RNF144A: variants seen among roughly 807,000 people sequenced by gnomAD.
RNF144A encodes the protein E3 ubiquitin-protein ligase RNF144A.
In RNF144A, 11 loss-of-function variants were observed where a neutral mutation model predicts 38.7. The observed-to-expected ratio is 0.28, with a 90% CI of 0.18 to 0.47. RNF144A has a LOEUF of 0.47. RNF144A is among the 20% of genes least tolerant of loss of function. The probability of loss-of-function intolerance (pLI) is 0.99; values close to 1 mark genes in which losing one functional copy is unlikely to be tolerated. For synonymous variants in RNF144A, 149 were observed against 143.9 expected (o/e 1.04, Z -0.25); for missense variants, 316 against 377.2 (o/e 0.84, Z 1.34).
At chr2:7,070,169 T>TC (rs61385848), downstream of RNF144A, among the ~76,000 whole-genome samples, 10 of 152,080 alleles carry the variant, frequency 6.6e-5, no homozygotes, top group Non-Finnish European at 1.0e-4. Flanking sequence ...TCTCTCTCTC[T>TC]TTATTTTTTA....
intron 6 of RNF144A, among the ~76,000 whole-genome samples, chr2:7,051,216 G>T (rs530233552): frequency 1.3e-5 from 2 of 152,278 alleles, no homozygotes; most frequent in African/African-American, 2.4e-5. Context: ...CAGATTGGGA[G>T]GGAATGCCAC....
intron 1 of RNF144A, among the ~76,000 whole-genome samples, chr2:6,936,071 A>G (rs1329200388): frequency 1.3e-5 from 2 of 152,158 alleles, no homozygotes; most frequent in African/African-American, 2.4e-5. Flanking sequence ...GCCTATGGAA[A>G]CAGTGAAGGC....
chr2:7,065,684 AT>A (rs1337742548), intron 6 of RNF144A, among the ~76,000 whole-genome samples: 1 of 152,236 alleles, frequency 6.6e-6, no homozygotes, highest in Non-Finnish European at 1.5e-5. Flanking sequence ...CTCTCTTCAT[AT>A]TTTTAAGCAT....
downstream of RNF144A, among the ~76,000 whole-genome samples, chr2:7,047,430 C>T (rs1433899730): frequency 3.3e-5 from 5 of 152,284 alleles, no homozygotes; most frequent in Admixed American, 3.3e-4. Context: ...ATGGTGGCTT[C>T]TTAAATGGCA....
At chr2:7,038,050 G>A (rs949645156) in intron 8 of RNF144A, among the ~76,000 whole-genome samples, 1 of 152,228 alleles carries the variant, frequency 6.6e-6, no homozygotes, top group Non-Finnish European at 1.5e-5. Flanking sequence ...TGACTCAGAT[G>A]ATGGCATGTC....
intron 2 of RNF144A, among the ~76,000 whole-genome samples, chr2:6,996,149 CT>C (rs951168093): frequency 6.6e-6 from 1 of 152,232 alleles, no homozygotes; most frequent in African/African-American, 2.4e-5. Context: ...CGTCTACCTT[CT>C]TTCCAGCTGC....
intron 1 of RNF144A, among the ~76,000 whole-genome samples, chr2:6,919,864 A>G (rs1160324991): frequency 6.6e-6 from 1 of 152,266 alleles, no homozygotes; most frequent in Non-Finnish European, 1.5e-5. Flanking sequence ...TGCACGATGC[A>G]GGCACCCCCA....
chr2:7,038,060 C>G (rs531396568), intron 8 of RNF144A, among the ~76,000 whole-genome samples: 1 of 152,358 alleles, frequency 6.6e-6, no homozygotes, highest in South Asian at 2.1e-4. Context: ...GATGGCATGT[C>G]TGCATTTGAG....
At chr2:7,035,980 A>G (rs1672648831) in intron 8 of RNF144A, among the ~76,000 whole-genome samples, 1 of 152,166 alleles carries the variant, frequency 6.6e-6, no homozygotes, top group Non-Finnish European at 1.5e-5. Flanking sequence ...GAGCATGAAA[A>G]CCAGCAGAGT....
chr2:7,022,695 C>A (rs1041872453), intron 6 of RNF144A, among the ~76,000 whole-genome samples: 3 of 152,210 alleles, frequency 2.0e-5, no homozygotes, highest in African/African-American at 7.2e-5. Context: ...ACCTTGATCA[C>A]CAGATCCGGT....
intron 6 of RNF144A, chr2:7,062,844 A>G (rs1674029104): frequency 6.6e-6 from 1 of 152,236 alleles, no homozygotes; most frequent in Admixed American, 6.5e-5. Flanking sequence ...CTCACATTAC[A>G]AATTTGATAG....
At chr2:7,027,205 C>T (rs1026750510) in intron 7 of RNF144A, among the ~76,000 whole-genome samples, 1 of 152,204 alleles carries the variant, frequency 6.6e-6, no homozygotes, top group South Asian at 2.1e-4. Flanking sequence ...GCCTCTCCTC[C>T]CCTGCTTCCC....
At chr2:7,036,544 G>A (rs1363840839) in intron 8 of RNF144A, among the ~76,000 whole-genome samples, 2 of 152,164 alleles carry the variant, frequency 1.3e-5, no homozygotes, top group African/African-American at 4.8e-5. Flanking sequence ...AAATAGGCAC[G>A]ATCTATCTCT....
At position 7,043,998 on chromosome 2, in the gene RNF144A, A is replaced by G; in HGVS notation, c.*4238A>G. 1 of 985,866 alleles carries G rather than the reference A, an allele frequency of 1.0e-6. No homozygotes were observed. The highest frequency in any genetic ancestry group is 1.2e-6 in the Non-Finnish European group (1 of 829,904). The allele number at this position is 985,866 out of a possible 1,614,324, so 61.1% of individuals were successfully genotyped here. On this transcript the variant is annotated 3_prime_UTR_variant, in exon 9 of 9. Coordinates refer to ENST00000320892, the MANE Select transcript of RNF144A (RefSeq NM_014746.6). ...TTGTGCCACTAACACTGTGATGTAT[A>G]AAAGAGCTGTTTGAATGCCTTTTAA...
At chr2:6,957,477 A>G (rs1470766145) in intron 2 of RNF144A, among the ~76,000 whole-genome samples, 3 of 152,220 alleles carry the variant, frequency 2.0e-5, no homozygotes, top group Non-Finnish European at 4.4e-5. Flanking sequence ...GTGCGTACTA[A>G]GAGGGAAACT....
chr2:6,936,145 C>T (rs1281442128), intron 1 of RNF144A, among the ~76,000 whole-genome samples: 1 of 152,242 alleles, frequency 6.6e-6, no homozygotes, highest in Non-Finnish European at 1.5e-5. Context: ...CATGTTCTTT[C>T]TCCGTACATT....
intron 1 of RNF144A, among the ~76,000 whole-genome samples, chr2:6,927,419 C>T (rs530822546): frequency 5.3e-5 from 8 of 152,358 alleles, no homozygotes; most frequent in African/African-American, 1.7e-4. Context: ...GCAGTGGATC[C>T]AGCCTTTCCT....
intron 6 of RNF144A, among the ~76,000 whole-genome samples, chr2:7,022,044 T>A (rs1048411642): frequency 1.3e-5 from 2 of 152,226 alleles, no homozygotes; most frequent in Non-Finnish European, 2.9e-5. Flanking sequence ...GAAATCCGAA[T>A]CCTAAGCCTC....
intron 2 of RNF144A, among the ~76,000 whole-genome samples, chr2:6,970,391 G>T (rs1667934512): frequency 6.6e-6 from 1 of 152,070 alleles, no homozygotes. Context: ...GGTCCTCCTT[G>T]CCTTTCACCA....
Sources: allele counts gnomAD v4.1 joint callset (sites outside exome capture counted in the v4.1 genomes callset), GRCh38; gene constraint gnomAD v4.1.1; transcripts MANE v1.5; gene names NCBI Gene and HGNC (gene_info 2026-07-23, HGNC 2026-07-21).